Variants in GNAT2 observed in about 807,000 individuals in gnomAD.
GNAT2 encodes G protein subunit alpha transducin 2, also known as guanine nucleotide-binding protein G(t) subunit alpha-2.
GNAT2 carries 32 observed loss-of-function variants against 40.9 expected under a neutral mutation model. That is an observed-to-expected ratio of 0.78 (90% CI 0.59 to 1.05). The LOEUF is 1.05. GNAT2 is among the 50% of genes least tolerant of loss of function. The pLI is 0.00. For synonymous variants in GNAT2, 141 were observed against 157.2 expected (o/e 0.90, Z 0.77); for missense variants, 355 against 431.5 (o/e 0.82, Z 1.57).
chr1:109,603,282 TA>T lies in GNAT2; in HGVS notation c.*71del. On this transcript the variant is annotated 3_prime_UTR_variant, in exon 9 of 9. Coordinates refer to ENST00000679935, the MANE Select transcript of GNAT2 (RefSeq NM_001377295.2). ...ATTCTTCATGTCATGGTATATTGACTATAATTTTCTGTTTTTAATTACCCAG... is the reference window on the plus strand; with the variant it reads ...ATTCTTCATGTCATGGTATATTGACTTAATTTTCTGTTTTTAATTACCCAG... 1.2e-6 allele frequency: 1 copy of T among 809,188 alleles called. No homozygotes were observed. The highest frequency in any genetic ancestry group is 1.4e-5 in the South Asian group (1 of 71,972). 50.1% of individuals were successfully genotyped at this position (809,188 alleles called of 1,614,324 possible).
chr1:109,606,052 T>C lies in GNAT2; in HGVS notation c.638A>G (p.His213Arg), dbSNP rs1454888319. 2 of 1,613,270 alleles carry C rather than the reference T, an allele frequency of 1.2e-6. No homozygotes were observed. Among genetic ancestry groups the C allele is most frequent in the Non-Finnish European group, 1.7e-6 (2 of 1,179,192 alleles). ...GATGCAGGTGACTCCCTCGAAGCAG[T>C]GGATCCACTTCTTTCTCTCGGATCT... Reference protein sequence around the residue: ...GQRSERKKWIHCFEGVTCIIF... With the variant: ...GQRSERKKWIRCFEGVTCIIF... The change falls in exon 7 of 9, where the codon CAC becomes CGC. Residue 213 changes from histidine (H) to arginine (R), a missense_variant. His to Arg is a conservative substitution (Grantham distance 29). Transcript: ENST00000679935.
In GNAT2 at chr1:109,610,782, C is replaced by G; in HGVS notation, c.119-275G>C. ...TTCCTGGCCTCTACCCACTAGAGGC[C>G]AATAGCATCCCACTTCCCTAGTTAT... On this transcript the variant is annotated intron_variant, in intron 2 of 8. Transcript: ENST00000679935. 8 of 533,670 alleles carry G rather than the reference C, an allele frequency of 1.5e-5. No homozygotes were observed. In the South Asian group the frequency reaches 1.7e-4, roughly 11 times the overall value. 33.1% of individuals were successfully genotyped at this position (533,670 alleles called of 1,614,324 possible).
intron 4 of GNAT2, 92 bp downstream of exon 4, chr1:109,609,948 C>T: frequency 7.9e-7 from 1 of 1,271,584 alleles, no homozygotes; most frequent in South Asian, 1.2e-5. Context: ...TTTTTCTTAC[C>T]CATCTTTCCA....
chr1:109,616,680 C>G (rs1233235566), intron 1 of GNAT2: 1 of 152,208 alleles, frequency 6.6e-6, no homozygotes, highest in Non-Finnish European at 1.5e-5. Flanking sequence ...AAACACACAT[C>G]TGACTGTCAG....
chr1:109,609,965 T>G, intron 4 of GNAT2, 75 bp downstream of exon 4: 1 of 1,415,096 alleles, frequency 7.1e-7, no homozygotes, highest in Non-Finnish European at 1.0e-6. Context: ...TCCATATAGT[T>G]TGTTGGCCTC....
chr1:109,613,325 A>G (rs1649857161), intron 1 of GNAT2: 2 of 253,646 alleles, frequency 7.9e-6, no homozygotes, highest in African/African-American at 2.2e-5. Context: ...TTACTGGCAC[A>G]TATGTAGAAA....
chr1:109,610,293 T>A, intron 3 of GNAT2, 112 bp from the exon 4 acceptor site: 1 of 1,318,572 alleles, frequency 7.6e-7, no homozygotes, highest in Non-Finnish European at 1.1e-6. Context: ...CTGTTGCTAC[T>A]GCTTTCTCAA....
At position 109,612,885 on chromosome 1, in the gene GNAT2, C is replaced by G. The variant is rs780590839; in HGVS notation, c.-15G>C. On this transcript the variant is annotated 5_prime_UTR_variant, in exon 2 of 9. Coordinates refer to ENST00000679935, the MANE Select transcript of GNAT2 (RefSeq NM_001377295.2). Reference sequence around the variant, plus strand: ...CCACTTCCCATATTTGCCGTCTTGTCAGCTTTTTCAGGCCCCTAATCCTCT... The same window carrying G: ...CCACTTCCCATATTTGCCGTCTTGTGAGCTTTTTCAGGCCCCTAATCCTCT... 2 of 1,470,866 alleles carry G rather than the reference C, an allele frequency of 1.4e-6. No individual in the cohort carries two copies. Among genetic ancestry groups the G allele is most frequent in the African/African-American group, 2.8e-5 (2 of 72,124 alleles). 91.1% of individuals were successfully genotyped at this position (1,470,866 alleles called of 1,614,324 possible). A position where few individuals can be genotyped will look rare whatever the true frequency, so the allele number is the denominator to read the frequency against.
chr1:109,619,398 A>G (rs1381228547), intron 1 of GNAT2, 85 bp downstream of exon 1: 1 of 152,280 alleles, frequency 6.6e-6, no homozygotes, highest in Non-Finnish European at 1.5e-5. Flanking sequence ...TTGAACCCAG[A>G]CATTCTGGCT....
In GNAT2 at chr1:109,611,178, ATT is replaced by A. The variant is rs55923624; in HGVS notation, c.119-673_119-672del. 722 of 136,096 alleles carry A rather than the reference ATT, an allele frequency of 5.3e-3. 2 individuals are homozygous for A. Among genetic ancestry groups the A allele is most frequent in the Non-Finnish European group, 7.2e-3 (454 of 63,372 alleles). The allele number at this position is 136,096 out of a possible 1,614,324, so 8.4% of individuals were successfully genotyped here. A position where few individuals can be genotyped will look rare whatever the true frequency, so the allele number is the denominator to read the frequency against. On this transcript the variant is annotated intron_variant, in intron 2 of 8. Transcript: ENST00000679935. ...GGTGTGCGACATCATGCCCGACTAC[ATT>A]TTTTTTTTTTTTTTTGAGACAGTCT...
Position 109,610,453 on chromosome 1 carries a change from G to A in GNAT2, c.161+12C>T. ...ACCCTATCTTGTCTTTTGGGGCTTT[G>A]TTTCTACTCACTTCATCTGTTTGAC... On this transcript the variant is annotated intron_variant, in intron 3 of 8. Transcript: ENST00000679935. 6.2e-7 allele frequency: 1 copy of A among 1,612,464 alleles called. No individual in the cohort carries two copies. The highest frequency in any genetic ancestry group is 8.5e-7 in the Non-Finnish European group (1 of 1,178,572).
intron 1 of GNAT2, chr1:109,613,666 C>T (rs772323109): frequency 6.6e-6 from 1 of 152,502 alleles, no homozygotes; most frequent in Non-Finnish European, 1.5e-5. Flanking sequence ...CTTTGAACCT[C>T]TCAGAACTTG....
Position 109,612,996 on chromosome 1 carries a change from C to A in GNAT2, c.-53-73G>T, listed in dbSNP as rs1346781791. The A allele has an allele frequency of 9.2e-6, 7 of 762,612 alleles. No individual in the cohort carries two copies. In the African/African-American group the frequency reaches 1.2e-4, roughly 13 times the overall value. 47.2% of individuals were successfully genotyped at this position (762,612 alleles called of 1,614,324 possible). ...CAACTTGGCTCCCCTAAAAGCTGGTCTGTACGATGGCAGGTGAGAGAGCAG... is the reference window on the plus strand; with the variant it reads ...CAACTTGGCTCCCCTAAAAGCTGGTATGTACGATGGCAGGTGAGAGAGCAG... On this transcript the variant is annotated intron_variant, in intron 1 of 8. Transcript: ENST00000679935.
intron 8 of GNAT2, 158 bp downstream of exon 8, chr1:109,603,793 C>T: frequency 1.4e-6 from 1 of 697,800 alleles, no homozygotes; most frequent in Non-Finnish European, 2.6e-6. Context: ...TCTCCTGCAT[C>T]TAATGCCTGC....
Position 109,603,205 on chromosome 1 carries a change from C to T in GNAT2, c.*149G>A, listed in dbSNP as rs1160269250. On this transcript the variant is annotated 3_prime_UTR_variant, in exon 9 of 9. Transcript: ENST00000679935. ...AATAGCTATCCCACTTTGAAAAGAA[C>T]GTATGAAATACAGTTGCAGTCATGT... 4.5e-6 allele frequency: 3 copies of T among 672,756 alleles called. No homozygotes were observed. Among genetic ancestry groups the T allele is most frequent in the Non-Finnish European group, 8.1e-6 (3 of 370,400 alleles). 41.7% of individuals were successfully genotyped at this position (672,756 alleles called of 1,614,324 possible). A position where few individuals can be genotyped will look rare whatever the true frequency, so the allele number is the denominator to read the frequency against.
chr1:109,608,822 G>A, intron 4 of GNAT2, 34 bp from the exon 5 acceptor site: 1 of 1,584,104 alleles, frequency 6.3e-7, no homozygotes, highest in Non-Finnish European at 8.7e-7. Context: ...GAACTTCACA[G>A]GAGTAATAGC....
At chr1:109,610,357 T>G in intron 3 of GNAT2, 108 bp downstream of exon 3, 1 of 1,252,256 alleles carries the variant, frequency 8.0e-7, no homozygotes, top group Non-Finnish European at 1.2e-6. Context: ...ATCAGATCCT[T>G]TATACCTGGG....
intron 2 of GNAT2, 47 bp from the exon 3 acceptor site, chr1:109,610,554 A>C (rs1355437216): frequency 2.6e-6 from 4 of 1,551,868 alleles, no homozygotes; most frequent in African/African-American, 1.4e-5. Flanking sequence ...AGTTCTCCTC[A>C]GCCTTCCAGG....
At chr1:109,610,326 G>T (rs1352097577) in intron 3 of GNAT2, 139 bp downstream of exon 3, 25 of 1,187,434 alleles carry the variant, frequency 2.1e-5, no homozygotes, top group Non-Finnish European at 3.0e-5. Flanking sequence ...GGGACAAGGG[G>T]TACAGATGAG....
Sources: gnomAD v4.1 joint callset for allele counts on GRCh38, gnomAD v4.1.1 for gene constraint, MANE v1.5 for transcripts, NCBI Gene and HGNC (gene_info 2026-07-23, HGNC 2026-07-21) for gene names.